TNN: variants seen among roughly 807,000 people sequenced by gnomAD.
TNN encodes tenascin-N.
A neutral mutation model predicts 134.4 loss-of-function variants in TNN; 122 were observed. The ratio of observed to expected loss-of-function variants is 0.91; its 90% CI spans 0.78 to 1.06. The LOEUF (loss-of-function observed/expected upper bound fraction) is 1.06. Ranked by LOEUF, TNN falls within the 50% of genes least tolerant of loss-of-function variation. The probability of loss-of-function intolerance (pLI) is 0.00; values close to 1 mark genes in which losing one functional copy is unlikely to be tolerated. For missense variants in TNN, 1,739 were observed against 1,699.4 expected, an observed-to-expected ratio of 1.02 and a Z score of -0.41; for synonymous variants, 710 against 670.3, an observed-to-expected ratio of 1.06 and a Z score of -0.91.
intron 11 of TNN, among the ~76,000 whole-genome samples, chr1:175,122,246 A>C (rs945851472): frequency 1.3e-5 from 2 of 150,842 alleles, no homozygotes; most frequent in African/African-American, 2.4e-5. Flanking sequence ...AAATTGGCTG[A>C]GTGTGGTGGC....
intron 4 of TNN, among the ~76,000 whole-genome samples, 199 bp from the exon 5 acceptor site, chr1:175,083,551 C>G (rs1674249051): frequency 6.6e-6 from 1 of 152,124 alleles, no homozygotes; most frequent in South Asian, 2.1e-4. Flanking sequence ...GACAGTCTGC[C>G]CATGGAATAT....
intron 15 of TNN, 54 bp downstream of exon 15, chr1:175,128,800 A>G: frequency 6.5e-7 from 1 of 1,543,032 alleles, no homozygotes; most frequent in African/African-American, 1.4e-5. Flanking sequence ...TTCTCAGCCC[A>G]GGATGCCGGT....
chr1:175,071,038 C>T lies in TNN; in HGVS notation c.-36+3103C>T, dbSNP rs2149424224. On this transcript the variant is annotated intron_variant, in intron 1 of 18. Transcript: ENST00000239462. ...ATTTTCCTTCATAGTTTAATGATATCCACCCTGTCATTTGGGGACAGAATA... is the reference window on the plus strand; with the variant it reads ...ATTTTCCTTCATAGTTTAATGATATTCACCCTGTCATTTGGGGACAGAATA... Among the ~76,000 whole-genome samples the T allele has an allele frequency of 1.3e-5, 2 of 152,298 alleles. 1 individual carries two copies. Among genetic ancestry groups the T allele is most frequent in the South Asian group, 4.1e-4 (2 of 4,826 alleles).
chr1:175,132,304 T>A (rs553625993), intron 15 of TNN, among the ~76,000 whole-genome samples: 5 of 152,310 alleles, frequency 3.3e-5, no homozygotes, highest in African/African-American at 9.6e-5. Context: ...TGCGTGGTCT[T>A]TGTATCAGTG....
At position 175,128,038 on chromosome 1, in the gene TNN, C is replaced by G. The variant is rs113376933; in HGVS notation, c.3052C>G (p.Gln1018Glu). ...QFPDGTVKEM[Q>E]LGREDQRFAL... is the part of the protein sequence containing the mutation. The stretch of plus-strand genomic sequence containing the variant: ...TCTCTCCCTTGTTTGGTAGGAGATG[C>G]AGCTGGGACGGGAAGACCAGAGGTT... The change falls in exon 14 of 19, where the codon CAG becomes GAG. Residue 1018 changes from glutamine (Q) to glutamate (E), a missense_variant. By Grantham distance (29) the Gln-to-Glu change is conservative. Coordinates refer to ENST00000239462, the MANE Select transcript of TNN (RefSeq NM_022093.2). 6.2e-7 allele frequency: 1 copy of G among 1,614,150 alleles called. No homozygotes were observed. Among genetic ancestry groups the G allele is most frequent in the East Asian group, 2.2e-5 (1 of 44,888 alleles).
chr1:175,145,571 A>AAAAAAAAAAAAAAAAAAAAC (rs1676044649), intron 18 of TNN, among the ~76,000 whole-genome samples: 2 of 149,296 alleles, frequency 1.3e-5, no homozygotes, highest in African/African-American at 2.5e-5. Flanking sequence ...AAAAAAAAAA[A>AAAAAAAAAAAAAAAAAAAAC]AAAAGCTGTC....
chr1:175,094,276 A>T (rs1674518346), intron 7 of TNN, 23 bp downstream of exon 7: 1 of 1,534,060 alleles, frequency 6.5e-7, no homozygotes, highest in Non-Finnish European at 8.8e-7. Flanking sequence ...CGGGAGCATA[A>T]ATAGGTTTCC....
intron 9 of TNN, among the ~76,000 whole-genome samples, chr1:175,108,184 A>G (rs1343740708): frequency 1.3e-5 from 2 of 149,080 alleles, no homozygotes; most frequent in African/African-American, 5.0e-5. Context: ...CCTTGAGCTA[A>G]ACACAGGGTG....
chr1:175,119,775 C>G (rs968684821), intron 11 of TNN, among the ~76,000 whole-genome samples: 2 of 151,814 alleles, frequency 1.3e-5, no homozygotes, highest in East Asian at 3.9e-4. Flanking sequence ...GCTGGGATTA[C>G]AAGCGCCCGC....
chr1:175,117,126 G>A lies in TNN; in HGVS notation c.2307G>A (p.Pro769=), dbSNP rs138969989. The A allele has an allele frequency of 9.9e-6, 16 of 1,614,268 alleles. No homozygotes were observed. The East Asian group carries it at 1.8e-4, about 18-fold the overall frequency. ...GCACTGTCCTGACGGGCCTGAGGCCGGGTGTGGAGTACACGGTGCACGTGT... is the reference window on the plus strand; with the variant it reads ...GCACTGTCCTGACGGGCCTGAGGCCAGGTGTGGAGTACACGGTGCACGTGT... ...QSSTVLTGLR[P]GVEYTVHVWA... Residue 769 remains proline, a synonymous_variant, in exon 10 of 19, where the codon CCG becomes CCA. Transcript: ENST00000239462.
rs1020220228 is a variant in TNN, at chr1:175,135,996, C to G, written c.3427+55C>G. 9.7e-6 allele frequency: 13 copies of G among 1,338,480 alleles called. No individual in the cohort carries two copies. In the African/African-American group the frequency reaches 1.7e-4, roughly 18 times the overall value. 82.9% of individuals were successfully genotyped at this position (1,338,480 alleles called of 1,614,324 possible). On this transcript the variant is annotated intron_variant, in intron 16 of 18. Coordinates refer to ENST00000239462, the MANE Select transcript of TNN (RefSeq NM_022093.2). ...CTGTGGGGGGTGATTTCTCCCAGGA[C>G]AAGCTAGCTAGGAGGCTTAGGGAAG...
chr1:175,110,945 C>T (rs754920409), intron 9 of TNN, among the ~76,000 whole-genome samples: 111 of 151,352 alleles, frequency 7.3e-4, no homozygotes, highest in Admixed American at 2.4e-3. Context: ...GAGGTCAAGG[C>T]GGGTGGATCA....
At chr1:175,141,030 G>C (rs1289348415) in intron 17 of TNN, among the ~76,000 whole-genome samples, 5 of 152,194 alleles carry the variant, frequency 3.3e-5, no homozygotes, top group African/African-American at 9.7e-5. Flanking sequence ...CATGCATGCA[G>C]CCTGGCAGGA....
chr1:175,120,611 G>C (rs760237353), intron 11 of TNN, among the ~76,000 whole-genome samples: 1 of 152,128 alleles, frequency 6.6e-6, no homozygotes, highest in Non-Finnish European at 1.5e-5. Flanking sequence ...GAAAGTCAGG[G>C]CATCACTGGG....
chr1:175,080,480 G>T (rs1674175115), intron 4 of TNN, 54 bp downstream of exon 4: 2 of 1,601,640 alleles, frequency 1.2e-6, no homozygotes, highest in Non-Finnish European at 1.7e-6. Context: ...CATTCTAAAT[G>T]GTTTCTTTCA....
intron 18 of TNN, among the ~76,000 whole-genome samples, chr1:175,146,281 C>T (rs191929153): frequency 1.3e-5 from 2 of 152,158 alleles, no homozygotes; most frequent in Non-Finnish European, 2.9e-5. Context: ...CTGTTTAATG[C>T]GCTTTTCACA....
intron 9 of TNN, among the ~76,000 whole-genome samples, chr1:175,104,797 G>A (rs556431540): frequency 6.2e-5 from 9 of 145,870 alleles, no homozygotes; most frequent in African/African-American, 1.7e-4. Context: ...CGAGTGATTC[G>A]GGTGACAGGG....
intron 9 of TNN, among the ~76,000 whole-genome samples, chr1:175,103,577 T>C (rs542548521): frequency 1.4e-5 from 2 of 145,980 alleles, no homozygotes; most frequent in South Asian, 2.3e-4. Flanking sequence ...TGTTTTTTTC[T>C]TTACTACTTC....
At chr1:175,133,115 G>T (rs1675715405) in intron 15 of TNN, among the ~76,000 whole-genome samples, 1 of 152,164 alleles carries the variant, frequency 6.6e-6, no homozygotes, top group South Asian at 2.1e-4. Context: ...CCTGAGGTTA[G>T]CTAGGATGGC....
Sources: allele counts gnomAD v4.1 joint callset (sites outside exome capture counted in the v4.1 genomes callset), GRCh38; gene constraint gnomAD v4.1.1; transcripts MANE v1.5; gene names NCBI Gene and HGNC (gene_info 2026-07-23, HGNC 2026-07-21).